Variants in ABCA13 observed in about 807,000 individuals in gnomAD.
ABCA13 encodes ATP-binding cassette sub-family A member 13.
A neutral mutation model predicts 478.7 loss-of-function variants in ABCA13; 476 were observed. The observed-to-expected ratio is 0.99, with a 90% CI of 0.92 to 1.07. The LOEUF (loss-of-function observed/expected upper bound fraction) is 1.07, where lower values mean the gene tolerates loss of function less well. ABCA13 is among the 50% of genes least tolerant of loss of function. The pLI is 0.00. For missense variants in ABCA13, 6,060 were observed against 5,910.6 expected, an observed-to-expected ratio of 1.03 and a Z score of -0.83; for synonymous variants, 2,252 against 2,158.9, an observed-to-expected ratio of 1.04 and a Z score of -1.20.
At position 48,561,231 on chromosome 7, in the gene ABCA13, A is replaced by G. The variant is rs191914874; in HGVS notation, c.14355-18993A>G. Among the ~76,000 whole-genome samples the G allele has an allele frequency of 1.4e-4, 22 of 152,260 alleles. 1 individual carries two copies. In the East Asian group the frequency reaches 3.9e-3, roughly 27 times the overall value. On this transcript the variant is annotated intron_variant, in intron 55 of 61. Coordinates refer to ENST00000435803, the MANE Select transcript of ABCA13 (RefSeq NM_152701.5). ...GGACTACAGCTAACTCTTCAACATA[A>G]TGATTTCAAATCTTTCAGTTAAATA...
chr7:48,331,322 T>A (rs906194043), intron 27 of ABCA13, among the ~76,000 whole-genome samples: 10 of 152,204 alleles, frequency 6.6e-5, no homozygotes, highest in African/African-American at 2.4e-4. Context: ...AAGACTTTAA[T>A]CACAGGATAT....
At chr7:48,472,098 A>C (rs192451584) in intron 45 of ABCA13, among the ~76,000 whole-genome samples, 1 of 152,316 alleles carries the variant, frequency 6.6e-6, no homozygotes, top group Non-Finnish European at 1.5e-5. Context: ...AAGGAGAATA[A>C]ATTGAAATTT....
At chr7:48,422,951 T>G (rs1007813315) in intron 41 of ABCA13, among the ~76,000 whole-genome samples, 1 of 152,180 alleles carries the variant, frequency 6.6e-6, no homozygotes, top group Non-Finnish European at 1.5e-5. Context: ...GTTGGGAAAG[T>G]CCAGGGAGTA....
At chr7:48,502,123 C>A (rs1234032321) in intron 48 of ABCA13, among the ~76,000 whole-genome samples, 2 of 152,152 alleles carry the variant, frequency 1.3e-5, no homozygotes, top group Non-Finnish European at 2.9e-5. Context: ...ATTTCACCAT[C>A]AGATTACTGA....
intron 20 of ABCA13, among the ~76,000 whole-genome samples, chr7:48,294,719 T>A (rs1378739999): frequency 6.6e-6 from 1 of 152,140 alleles, no homozygotes; most frequent in Non-Finnish European, 1.5e-5. Flanking sequence ...GTGCTGGGAT[T>A]ACAGGCGTGA....
intron 42 of ABCA13, among the ~76,000 whole-genome samples, chr7:48,432,125 A>G (rs868810885): frequency 2.0e-5 from 3 of 152,328 alleles, no homozygotes; most frequent in South Asian, 4.1e-4. Flanking sequence ...CCAGTTAAAG[A>G]AAACAAGTAA....
rs57201740 is a variant in ABCA13, at chr7:48,268,850, C to CTTTTT, written c.2006-111_2006-107dup. Reference sequence around the variant, plus strand: ...GTCAAATTAGAAGATTCCTACTCATCTTTTTTTTTTTTTTTTTTTTTTTAA... The same window carrying CTTTTT: ...GTCAAATTAGAAGATTCCTACTCATCTTTTTTTTTTTTTTTTTTTTTTTTTTTTAA... On this transcript the variant is annotated intron_variant, in intron 15 of 61. Transcript: ENST00000435803. 67 of 245,500 alleles carry CTTTTT rather than the reference C, an allele frequency of 2.7e-4. 1 individual carries two copies. The highest frequency in any genetic ancestry group is 6.2e-4 in the South Asian group (14 of 22,598). 15.2% of individuals were successfully genotyped at this position (245,500 alleles called of 1,614,324 possible). A position where few individuals can be genotyped will look rare whatever the true frequency, so the allele number is the denominator to read the frequency against.
chr7:48,392,178 C>T, intron 38 of ABCA13, 39 bp downstream of exon 38: 1 of 1,574,974 alleles, frequency 6.3e-7, no homozygotes, highest in Non-Finnish European at 8.7e-7. Flanking sequence ...CCTGCCTCTG[C>T]CCATTGTGTA....
At chr7:48,375,405 T>C (rs1055039991) in intron 34 of ABCA13, among the ~76,000 whole-genome samples, 2 of 152,188 alleles carry the variant, frequency 1.3e-5, no homozygotes, top group African/African-American at 4.8e-5. Flanking sequence ...TCATCTTTAC[T>C]CCTAGATTTA....
At chr7:48,385,725 G>C (rs925098468) in intron 35 of ABCA13, among the ~76,000 whole-genome samples, 10 of 152,116 alleles carry the variant, frequency 6.6e-5, no homozygotes, top group African/African-American at 1.9e-4. Context: ...AGGTCTTTGA[G>C]GAACCACCAC....
chr7:48,624,235 C>T (rs572242988), intron 59 of ABCA13, among the ~76,000 whole-genome samples: 1 of 152,222 alleles, frequency 6.6e-6, no homozygotes, highest in East Asian at 1.9e-4. Flanking sequence ...CTCTGCATGT[C>T]ATAAATTGAG....
At chr7:48,619,622 A>G (rs1792935498) in intron 59 of ABCA13, among the ~76,000 whole-genome samples, 1 of 152,206 alleles carries the variant, frequency 6.6e-6, no homozygotes, top group South Asian at 2.1e-4. Context: ...GTGACATCAC[A>G]AGGCCTAACA....
intron 10 of ABCA13, chr7:48,242,963 T>C (rs1310956489): frequency 6.6e-6 from 1 of 152,272 alleles, no homozygotes; most frequent in African/African-American, 2.4e-5. Context: ...TTTCGTGTCA[T>C]TACAGACTGC....
chr7:48,511,030 TA>T, intron 50 of ABCA13, 53 bp from the exon 51 acceptor site: 1 of 1,397,110 alleles, frequency 7.2e-7, no homozygotes, highest in South Asian at 1.2e-5. Context: ...TAGATGATAA[TA>T]AATATGACCA....
At chr7:48,467,667 C>T (rs1486412013) in intron 44 of ABCA13, among the ~76,000 whole-genome samples, 6 of 152,174 alleles carry the variant, frequency 3.9e-5, no homozygotes, top group South Asian at 4.1e-4. Flanking sequence ...AAAATTAATA[C>T]GGAATATGGC....
chr7:48,645,454 T>C lies in ABCA13; in HGVS notation c.15119T>C (p.Leu5040Pro), dbSNP rs1249221565. ...INFASEQQQT[L>P]QSTLDPSTDS... ...TTTGCTTCTGAGCAGCAGCAAACTC[T>C]ACAATCTACTCTTGATCCATCCACT... The change falls in exon 62 of 62, where the codon CTA becomes CCA. Residue 5040 changes from leucine (L) to proline (P), a missense_variant. Leu to Pro is a moderately conservative substitution (Grantham distance 98). Around this residue, in one of 3 missense-constraint regions of ABCA13, gnomAD observed 1,627 missense variants for 1,571.0 expected, o/e 1.04. Coordinates refer to ENST00000435803, the MANE Select transcript of ABCA13 (RefSeq NM_152701.5). 1 of 1,586,552 alleles carries C rather than the reference T, an allele frequency of 6.3e-7. No individual in the cohort carries two copies. The highest frequency in any genetic ancestry group is 1.8e-5 in the Admixed American group (1 of 56,214).
At chr7:48,376,317 C>A (rs1485996339) in intron 34 of ABCA13, 124 bp from the exon 35 acceptor site, 11 of 1,170,524 alleles carry the variant, frequency 9.4e-6, no homozygotes, top group Admixed American at 2.5e-5. Context: ...GTGATATTGA[C>A]CTTCTTTTTG....
intron 13 of ABCA13, among the ~76,000 whole-genome samples, chr7:48,247,943 G>A (rs1217539786): frequency 1.3e-5 from 2 of 152,146 alleles, no homozygotes; most frequent in East Asian, 3.9e-4. Context: ...AGACTCTCAG[G>A]GGGTCTGGTT....
chr7:48,462,447 C>CG (rs1257063208), intron 43 of ABCA13, among the ~76,000 whole-genome samples: 5 of 151,718 alleles, frequency 3.3e-5, no homozygotes, highest in Admixed American at 3.3e-4. Context: ...AAGGATTCCC[C>CG]CCCCCCTACT....
Sources: gnomAD v4.1 joint callset for allele counts (sites outside exome capture counted in the v4.1 genomes callset) on GRCh38, gnomAD v4.1.1 for gene constraint, gnomAD v4.1.1 regional missense constraint, MANE v1.5 for transcripts, NCBI Gene and HGNC (gene_info 2026-07-23, HGNC 2026-07-21) for gene names.